CELF4: variants seen among roughly 807,000 people sequenced by gnomAD.
CELF4 encodes the protein CUG-BP- and ETR-3-like factor 4.
Under a neutral mutation model 59.9 loss-of-function variants are expected in CELF4, and 18 were observed. The ratio of observed to expected loss-of-function variants is 0.30; its 90% confidence interval spans 0.21 to 0.45. The LOEUF (loss-of-function observed/expected upper bound fraction) is 0.45. Ranked by LOEUF, CELF4 falls within the 20% of genes least tolerant of loss-of-function variation. CELF4 has a pLI of 1.00. For missense variants in CELF4, 456 were observed against 689.0 expected (o/e 0.66, Z 3.79); for synonymous variants, 261 against 267.1 (o/e 0.98, Z 0.22).
chr18:37,416,654 TG>T, intron 2 of CELF4, among the ~76,000 whole-genome samples: 1 of 152,262 alleles, frequency 6.6e-6, no homozygotes, highest in South Asian at 2.1e-4. Context: ...TCAGCCAGCC[TG>T]GGGGGCCTCT....
In CELF4 at chr18:37,253,707, G is replaced by GAA; in HGVS notation, c.*44+59_*44+60insTT. 1 of 1,318,200 alleles carries GAA rather than the reference G, an allele frequency of 7.6e-7. No homozygotes were observed. The highest frequency in any genetic ancestry group is 1.0e-6 in the Non-Finnish European group (1 of 988,004). The allele number at this position is 1,318,200 out of a possible 1,614,324, so 81.7% of individuals were successfully genotyped here. The stretch of plus-strand genomic sequence containing the variant: ...CCGGCCCACGGAGGCCGGAGGAGGC[G>GAA]GCGGGTCCGTCTGGTTCCCTCCCAA... On this transcript the variant is annotated intron_variant, in intron 12 of 12. Transcript: ENST00000420428. This position sits in a 1 kb window ranked among gnomAD's most constrained non-coding sequence, Gnocchi z 4.5.
chr18:37,442,215 A>C (rs924677023), intron 2 of CELF4, among the ~76,000 whole-genome samples: 2 of 152,116 alleles, frequency 1.3e-5, no homozygotes, highest in African/African-American at 2.4e-5. Context: ...GGAACAAATT[A>C]AAAAAATGAC....
In CELF4 at chr18:37,360,000, C is replaced by A. The variant is rs1223633613; in HGVS notation, c.370-38119G>T. ...AAGTAGCTGGGATTACAGGCATACACTACCATGCCCAGCTAAATTTTTTTG... is the reference window on the plus strand; with the variant it reads ...AAGTAGCTGGGATTACAGGCATACAATACCATGCCCAGCTAAATTTTTTTG... On this transcript the variant is annotated intron_variant, in intron 2 of 12. Transcript: ENST00000420428. 2.0e-5 allele frequency among the ~76,000 whole-genome samples: 3 copies of A among 152,122 alleles called. No homozygotes were observed. The East Asian group carries it at 5.8e-4, about 29-fold the overall frequency.
chr18:37,493,517 C>T (rs568644000), intron 1 of CELF4, among the ~76,000 whole-genome samples: 148 of 152,202 alleles, frequency 9.7e-4, no homozygotes, highest in African/African-American at 3.0e-3. Context: ...TGAGAGTGAG[C>T]GGAGTGGCAG....
intron 3 of CELF4, among the ~76,000 whole-genome samples, chr18:37,315,447 T>G (rs935307783): frequency 1.3e-5 from 2 of 152,170 alleles, no homozygotes; most frequent in African/African-American, 4.8e-5. Flanking sequence ...TTTTCTGTCA[T>G]TTCGTGTTGA....
At chr18:37,375,921 T>C (rs535698893) in intron 2 of CELF4, among the ~76,000 whole-genome samples, 7 of 152,174 alleles carry the variant, frequency 4.6e-5, no homozygotes, top group Non-Finnish European at 1.0e-4. Context: ...GGAGGCCTTT[T>C]TAATTGGGTC....
chr18:37,416,487 C>G (rs577358038), intron 2 of CELF4, among the ~76,000 whole-genome samples: 2 of 152,290 alleles, frequency 1.3e-5, no homozygotes, highest in South Asian at 4.1e-4. Context: ...CCAAGATTCC[C>G]CAAAGCATCT....
intron 3 of CELF4, among the ~76,000 whole-genome samples, chr18:37,280,374 G>T (rs4366786): frequency 0.24 from 36,915 of 152,098 alleles, 5,279 homozygotes; most frequent in Middle Eastern, 0.36. Context: ...GATGAGTTTT[G>T]GGAGCACTTC....
At chr18:37,318,640 C>CG (rs1448353132) in intron 3 of CELF4, among the ~76,000 whole-genome samples, 24 of 150,250 alleles carry the variant, frequency 1.6e-4, no homozygotes, top group Non-Finnish European at 1.2e-4. Flanking sequence ...TCCCCCCCCC[C>CG]CCACTTTCTA....
intron 1 of CELF4, among the ~76,000 whole-genome samples, chr18:37,528,022 G>A (rs1337072837): frequency 6.6e-6 from 1 of 152,196 alleles, no homozygotes; most frequent in Non-Finnish European, 1.5e-5. Context: ...ATCACAGACA[G>A]TAGAGCTAAA....
intron 2 of CELF4, among the ~76,000 whole-genome samples, chr18:37,322,538 G>A (rs916116693): frequency 6.6e-6 from 1 of 152,178 alleles, no homozygotes; most frequent in Non-Finnish European, 1.5e-5. Context: ...GGACAGGAGA[G>A]CAATGCCTGA....
At chr18:37,496,187 C>A (rs1055342318) in intron 1 of CELF4, among the ~76,000 whole-genome samples, 1 of 152,224 alleles carries the variant, frequency 6.6e-6, no homozygotes, top group African/African-American at 2.4e-5. Context: ...GGGTCTCCTT[C>A]GAAAATGTCT....
chr18:37,355,263 ATGTT>A (rs2098543693), intron 2 of CELF4, among the ~76,000 whole-genome samples: 1 of 152,186 alleles, frequency 6.6e-6, no homozygotes, highest in African/African-American at 2.4e-5. Context: ...ACATGTGAAT[ATGTT>A]TGAGAAGATG....
intron 2 of CELF4, among the ~76,000 whole-genome samples, chr18:37,398,232 T>C (rs567427498): frequency 6.6e-6 from 1 of 152,270 alleles, no homozygotes; most frequent in African/African-American, 2.4e-5. Flanking sequence ...AATTACTTCC[T>C]TCTCTAAAGT....
chr18:37,320,624 G>T (rs1206248110), intron 3 of CELF4, among the ~76,000 whole-genome samples: 2 of 152,192 alleles, frequency 1.3e-5, no homozygotes, highest in African/African-American at 4.8e-5. Flanking sequence ...TCTACTCGGG[G>T]GTCCTTCACC....
Position 37,254,471 on chromosome 18 carries a change from C to T in CELF4, c.1334-533G>A, listed in dbSNP as rs1220458078. On this transcript the variant is annotated intron_variant, in intron 11 of 12. Coordinates refer to ENST00000420428, the MANE Select transcript of CELF4 (RefSeq NM_020180.4). This position sits in a 1 kb window ranked among gnomAD's most constrained non-coding sequence, Gnocchi z 5.1. ...CCGGCCCGGCCGCCCCCCTCGCCAC[C>T]GCAGGTGCCCGGCTGTCGGAGGAGG... Among the ~76,000 whole-genome samples the T allele has an allele frequency of 2.0e-5, 3 of 151,950 alleles. No individual in the cohort carries two copies. The highest frequency in any genetic ancestry group is 7.2e-5 in the African/African-American group (3 of 41,394).
At position 37,259,280 on chromosome 18, in the gene CELF4, G is replaced by T; in HGVS notation, c.1250-16C>A. ...CCCTCGGGCCCTGCGGTGAGGGGAGGGGGTGGGCGGGGGAGGAGGGATGGC... is the reference window on the plus strand; with the variant it reads ...CCCTCGGGCCCTGCGGTGAGGGGAGTGGGTGGGCGGGGGAGGAGGGATGGC... On this transcript the variant is annotated splice_polypyrimidine_tract_variant and intron_variant, in intron 10 of 12. Coordinates refer to ENST00000420428, the MANE Select transcript of CELF4 (RefSeq NM_020180.4). The T allele has an allele frequency of 1.0e-6, 1 of 971,628 alleles. No homozygotes were observed. 60.2% of individuals were successfully genotyped at this position (971,628 alleles called of 1,614,324 possible).
intron 1 of CELF4, among the ~76,000 whole-genome samples, chr18:37,508,479 C>T (rs923951063): frequency 2.6e-5 from 4 of 152,166 alleles, no homozygotes; most frequent in East Asian, 1.9e-4. Context: ...AGGTCTTTTG[C>T]GGAGTGGGGG....
intron 10 of CELF4, among the ~76,000 whole-genome samples, chr18:37,261,362 T>C (rs925463029): frequency 6.6e-6 from 1 of 152,134 alleles, no homozygotes; most frequent in Admixed American, 6.5e-5. Flanking sequence ...CAAGCTGCTT[T>C]ATGTGGAAGC....
Sources: gnomAD v4.1 joint callset for allele counts (sites outside exome capture counted in the v4.1 genomes callset) on GRCh38, gnomAD v4.1.1 for gene constraint, Gnocchi (gnomAD v3.1) non-coding constraint, MANE v1.5 for transcripts, NCBI Gene and HGNC (gene_info 2026-07-23, HGNC 2026-07-21) for gene names.